The following HDGFL3 variants were observed in gnomAD, a reference collection of about 807,000 sequenced individuals.
The protein encoded by HDGFL3 is hepatoma-derived growth factor-related protein 3.
Under a neutral mutation model 27.6 loss-of-function variants are expected in HDGFL3, and 6 were observed. The ratio of observed to expected loss-of-function variants is 0.22; its 90% CI spans 0.12 to 0.43. HDGFL3 has a LOEUF of 0.43. Ranked by LOEUF, HDGFL3 falls within the 20% of genes least tolerant of loss-of-function variation. The probability of loss-of-function intolerance (pLI) is 1.00; values close to 1 mark genes in which losing one functional copy is unlikely to be tolerated. For missense variants in HDGFL3, 207 were observed against 250.1 expected, an observed-to-expected ratio of 0.83 and a Z score of 1.16; for synonymous variants, 88 against 88.9, an observed-to-expected ratio of 0.99 and a Z score of 0.05.
At chr15:83,149,394 T>C (rs941557023) in intron 5 of HDGFL3, among the ~76,000 whole-genome samples, 1 of 152,180 alleles carries the variant, frequency 6.6e-6, no homozygotes, top group Non-Finnish European at 1.5e-5. Flanking sequence ...GTTGAAATCA[T>C]ATGTATGGAT....
At position 83,151,227 on chromosome 15, in the gene HDGFL3, T is replaced by C. The variant is rs1325182446; in HGVS notation, c.594A>G (p.Lys198=). 3 of 1,612,408 alleles carry C rather than the reference T, an allele frequency of 1.9e-6. No individual in the cohort carries two copies. The highest frequency in any genetic ancestry group is 1.9e-4 in the Middle Eastern group (1 of 5,134). The stretch of plus-strand genomic sequence containing the variant: ...AGCACATCCTTACCCCTTCACTGGT[T>C]TTCTGCAAGTCTGAAGTTGTGTTTC... The part of the protein sequence containing the change: ...DTRNTTSDLQ[K]TSEGT The change falls in exon 5 of 6, where the codon AAA becomes AAG. Residue 198 remains lysine (K), a synonymous_variant. Transcript: ENST00000299633.
At chr15:83,187,158 CTTT>C (rs201809112) in intron 1 of HDGFL3, among the ~76,000 whole-genome samples, 1 of 131,008 alleles carries the variant, frequency 7.6e-6, no homozygotes. Context: ...CTTGGAAATT[CTTT>C]TTTTTTTTTT....
intron 1 of HDGFL3, among the ~76,000 whole-genome samples, chr15:83,203,855 A>T (rs774892555): frequency 6.6e-6 from 1 of 151,274 alleles, no homozygotes; most frequent in African/African-American, 2.4e-5. Flanking sequence ...ATATAAAGAA[A>T]ATTTAGATAT....
chr15:83,159,854 G>A (rs1469435442), intron 2 of HDGFL3, among the ~76,000 whole-genome samples: 1 of 152,200 alleles, frequency 6.6e-6, no homozygotes, highest in African/African-American at 2.4e-5. Context: ...TAGGGGCACA[G>A]ATTATTTAGG....
intron 1 of HDGFL3, among the ~76,000 whole-genome samples, chr15:83,165,396 T>C (rs1456280795): frequency 6.6e-6 from 1 of 152,160 alleles, no homozygotes; most frequent in Non-Finnish European, 1.5e-5. Context: ...AATGGTAGTT[T>C]AGAATCTCTA....
Position 83,137,530 on chromosome 15 carries a change from A to C in HDGFL3, c.*1740T>G, listed in dbSNP as rs1243430556. On this transcript the variant is annotated 3_prime_UTR_variant, in exon 6 of 6. Coordinates refer to ENST00000299633, the MANE Select transcript of HDGFL3 (RefSeq NM_016073.4). ...TGAATTAAATTTCATTAATTAAAAA[A>C]TACATTCAAATATTCAAAATTAAAA... 1 of 152,208 alleles carries C rather than the reference A, an allele frequency of 6.6e-6. No individual in the cohort carries two copies. The highest frequency in any genetic ancestry group is 2.4e-5 in the African/African-American group (1 of 41,470). 9.4% of individuals were successfully genotyped at this position (152,208 alleles called of 1,614,324 possible). A position where few individuals can be genotyped will look rare whatever the true frequency, so the allele number is the denominator to read the frequency against.
intron 1 of HDGFL3, among the ~76,000 whole-genome samples, chr15:83,176,569 CAG>C (rs1363708041): frequency 6.6e-6 from 1 of 152,110 alleles, no homozygotes; most frequent in East Asian, 1.9e-4. Flanking sequence ...AACTTATTAT[CAG>C]AGTTTCATCC....
chr15:83,176,949 G>C (rs917532236), intron 1 of HDGFL3, among the ~76,000 whole-genome samples: 1 of 62,712 alleles, frequency 1.6e-5, no homozygotes, highest in Non-Finnish European at 3.0e-5. Context: ...CCAGAGTCTT[G>C]CTCTGTCACC....
At chr15:83,185,645 A>G (rs12595330) in intron 1 of HDGFL3, among the ~76,000 whole-genome samples, 38,295 of 152,170 alleles carry the variant, frequency 0.25, 5,191 homozygotes, top group African/African-American at 0.35. Flanking sequence ...TGACCACTTC[A>G]AGAGAGATGC....
rs1400769417 is a variant in HDGFL3, at chr15:83,131,077, G to C, written c.*8193C>G. 6.6e-6 allele frequency: 1 copy of C among 152,068 alleles called. No individual in the cohort carries two copies. Among genetic ancestry groups the C allele is most frequent in the East Asian group, 1.9e-4 (1 of 5,176 alleles). 9.4% of individuals were successfully genotyped at this position (152,068 alleles called of 1,614,324 possible). A position where few individuals can be genotyped will look rare whatever the true frequency, so the allele number is the denominator to read the frequency against. On this transcript the variant is annotated 3_prime_UTR_variant, in exon 6 of 6. Transcript: ENST00000299633. ...TGCACTCTCCAGCCCAGGTGACAGA[G>C]AGAGACCCTGTCTCTCCCACCACCA...
chr15:83,173,707 A>AATCT (rs2037274017), intron 1 of HDGFL3, among the ~76,000 whole-genome samples: 1 of 152,182 alleles, frequency 6.6e-6, no homozygotes, highest in Admixed American at 6.5e-5. Flanking sequence ...TGGACTCCCA[A>AATCT]ATCTCTACCT....
intron 1 of HDGFL3, among the ~76,000 whole-genome samples, chr15:83,174,352 A>C (rs1265445262): frequency 1.3e-5 from 2 of 152,150 alleles, no homozygotes; most frequent in African/African-American, 4.8e-5. Context: ...TCCCATTACT[A>C]AATTTAGTTA....
intron 4 of HDGFL3, among the ~76,000 whole-genome samples, chr15:83,157,128 T>C (rs945492499): frequency 2.6e-5 from 4 of 152,208 alleles, no homozygotes; most frequent in African/African-American, 7.2e-5. Flanking sequence ...TGGAGGTTAC[T>C]GTAGGAGGCA....
At chr15:83,169,134 T>C (rs2037210011) in intron 1 of HDGFL3, 1 of 391,442 alleles carries the variant, frequency 2.6e-6, no homozygotes, top group South Asian at 2.0e-5. Flanking sequence ...AAGAGCCATA[T>C]ATGATAAACC....
downstream of HDGFL3, among the ~76,000 whole-genome samples, chr15:83,124,228 TA>T (rs2035529473): frequency 6.6e-6 from 1 of 152,162 alleles, no homozygotes; most frequent in South Asian, 2.1e-4. Context: ...TATACAGGAA[TA>T]ATTTTATATA....
intron 2 of HDGFL3, among the ~76,000 whole-genome samples, chr15:83,158,886 C>A (rs1426735064): frequency 6.6e-6 from 1 of 152,052 alleles, no homozygotes; most frequent in East Asian, 1.9e-4. Context: ...TCTTGTTGCC[C>A]AGGCTGGAGT....
At position 83,172,061 on chromosome 15, in the gene HDGFL3, A is replaced by G. The variant is rs1425542750; in HGVS notation, c.85-7986T>C. ...CAGTCTATATCCTCTTGCCCTCTCT[A>G]TGGCTCTGCTATGGCTTGAAGGGCT... On this transcript the variant is annotated intron_variant, in intron 1 of 5. Transcript: ENST00000299633. 2.0e-5 allele frequency among the ~76,000 whole-genome samples: 3 copies of G among 152,118 alleles called. No homozygotes were observed. In the East Asian group the frequency reaches 5.8e-4, roughly 29 times the overall value.
chr15:83,155,553 T>C (rs2037017479), intron 4 of HDGFL3, among the ~76,000 whole-genome samples: 1 of 152,184 alleles, frequency 6.6e-6, no homozygotes, highest in African/African-American at 2.4e-5. Context: ...GAAGATAAAG[T>C]CTGACAAGAA....
In HDGFL3 at chr15:83,139,292, AAG is replaced by A. The variant is rs2036719745; in HGVS notation, c.607-19_607-18del. 7 of 1,405,130 alleles carry A rather than the reference AAG, an allele frequency of 5.0e-6. No individual in the cohort carries two copies. Among genetic ancestry groups the A allele is most frequent in the South Asian group, 2.9e-5 (2 of 69,498 alleles). The allele number at this position is 1,405,130 out of a possible 1,614,324, so 87.0% of individuals were successfully genotyped here. ...TAGTTAGGTCTGTAAAAAAAAAAAA[AAG>A]AAAGAAAACAAGCCTTTAGATGATT... is the stretch of plus-strand genomic sequence containing the variant. On this transcript the variant is annotated intron_variant, in intron 5 of 5. Transcript: ENST00000299633.
Sources: gnomAD v4.1 joint callset for allele counts (sites outside exome capture counted in the v4.1 genomes callset) on GRCh38, gnomAD v4.1.1 for gene constraint, MANE v1.5 for transcripts, NCBI Gene and HGNC (gene_info 2026-07-23, HGNC 2026-07-21) for gene names.